Variants in SLC35D4 observed in about 807,000 individuals in gnomAD.
SLC35D4 encodes the protein solute carrier family 35 member D4, also known as UDP-N-acetylglucosamine transporter SLC35D4.
the SLC35D4 span, among the ~76,000 whole-genome samples, chr18:23,411,551 A>AAGAAAGAAAGAAAGAAAGGT: frequency 6.7e-6 from 1 of 149,914 alleles, no homozygotes; most frequent in Admixed American, 6.6e-5. Flanking sequence ...GAAAGAAAGA[A>AAGAAAGAAAGAAAGAAAGGT]AGGTGTGTGC....
At chr18:23,365,118 C>T in the SLC35D4 span, among the ~76,000 whole-genome samples, 3 of 152,012 alleles carry the variant, frequency 2.0e-5, no homozygotes, top group African/African-American at 7.3e-5. Flanking sequence ...TTTGAGGTTA[C>T]CCTTTGGGAT....
chr18:23,359,892 A>G, the SLC35D4 span, among the ~76,000 whole-genome samples: 1 of 152,194 alleles, frequency 6.6e-6, no homozygotes, highest in Admixed American at 6.5e-5. Context: ...AAAAGAGTGC[A>G]AGGGGGAAAG....
chr18:23,374,776 C>T, the SLC35D4 span, among the ~76,000 whole-genome samples: 1 of 152,042 alleles, frequency 6.6e-6, no homozygotes, highest in Non-Finnish European at 1.5e-5. Flanking sequence ...TGAGCCAATA[C>T]ACCTGGCTTA....
the SLC35D4 span, among the ~76,000 whole-genome samples, chr18:23,412,514 C>T: frequency 6.8e-3 from 1,028 of 152,132 alleles, 6 homozygotes; most frequent in Admixed American, 0.012. Flanking sequence ...GGTGACTATG[C>T]TTGTCAGTCT....
chr18:23,286,321 C>A, the SLC35D4 span, among the ~76,000 whole-genome samples: 1 of 152,210 alleles, frequency 6.6e-6, no homozygotes, highest in South Asian at 2.1e-4. Context: ...GCTACAAGTG[C>A]CAGAAATCTG....
the SLC35D4 span, among the ~76,000 whole-genome samples, chr18:23,270,326 C>T: frequency 6.6e-6 from 1 of 152,212 alleles, no homozygotes; most frequent in African/African-American, 2.4e-5. Context: ...TTGGGAACCT[C>T]CATCTAGATT....
chr18:23,425,376 C>A, the SLC35D4 span, among the ~76,000 whole-genome samples: 1 of 152,198 alleles, frequency 6.6e-6, no homozygotes, highest in Non-Finnish European at 1.5e-5. Context: ...GCTGAGATTA[C>A]AGGTGTGAGC....
the SLC35D4 span, among the ~76,000 whole-genome samples, chr18:23,283,031 C>T: frequency 7.9e-5 from 12 of 151,668 alleles, no homozygotes; most frequent in Non-Finnish European, 1.8e-4. Flanking sequence ...TTGTTATACC[C>T]CCTACCTTTT....
the SLC35D4 span, among the ~76,000 whole-genome samples, chr18:23,285,706 C>T: frequency 1.3e-5 from 2 of 152,242 alleles, no homozygotes; most frequent in Admixed American, 6.5e-5. Flanking sequence ...GACCTCTCCC[C>T]TCCTCCCCAG....
the SLC35D4 span, among the ~76,000 whole-genome samples, chr18:23,299,329 G>A: frequency 6.6e-6 from 1 of 152,106 alleles, no homozygotes; most frequent in African/African-American, 2.4e-5. Flanking sequence ...TTTTCCAGCC[G>A]ACTGCCCTCT....
chr18:23,353,628 A>G, the SLC35D4 span, among the ~76,000 whole-genome samples: 3 of 152,180 alleles, frequency 2.0e-5, no homozygotes, highest in South Asian at 6.2e-4. Flanking sequence ...GTTTGGCCCT[A>G]ATGACCTGCA....
the SLC35D4 span, among the ~76,000 whole-genome samples, chr18:23,295,628 A>G: frequency 6.6e-6 from 1 of 152,178 alleles, no homozygotes; most frequent in East Asian, 1.9e-4. Flanking sequence ...AGACAAGGAC[A>G]TGAATTTAAG....
chr18:23,332,658 CT>C, the SLC35D4 span, among the ~76,000 whole-genome samples: 15 of 151,678 alleles, frequency 9.9e-5, no homozygotes, highest in Non-Finnish European at 1.9e-4. Flanking sequence ...TCAGGACTGA[CT>C]TTTTTTTCCC....
chr18:23,367,110 C>T, the SLC35D4 span, among the ~76,000 whole-genome samples: 3 of 152,298 alleles, frequency 2.0e-5, no homozygotes, highest in East Asian at 5.8e-4. Flanking sequence ...CATCCCAAAA[C>T]ATCTCCCAGA....
the SLC35D4 span, chr18:23,259,735 C>CGCAGCCTTG: frequency 2.6e-5 from 4 of 152,220 alleles, no homozygotes; most frequent in Non-Finnish European, 4.4e-5. Context: ...CCAGACACGT[C>CGCAGCCTTG]GCAGCCTTGG....
chr18:23,260,812 A>G, the SLC35D4 span, among the ~76,000 whole-genome samples: 1 of 142,152 alleles, frequency 7.0e-6, no homozygotes, highest in African/African-American at 3.1e-5. Context: ...GAGTAAACTG[A>G]GTGTAAATCT....
the SLC35D4 span, chr18:23,437,927 A>AGCAGCAGCGGCAGCG: frequency 1.3e-6 from 2 of 1,504,434 alleles, no homozygotes; most frequent in African/African-American, 1.4e-5. Flanking sequence ...CCCCCGCAGC[A>AGCAGCAGCGGCAGCG]GCAGCAGCGG....
chr18:23,379,241 A>G, the SLC35D4 span, among the ~76,000 whole-genome samples: 1 of 150,810 alleles, frequency 6.6e-6, no homozygotes, highest in Non-Finnish European at 1.5e-5. Context: ...CTCCTGTCTC[A>G]GCCTCCCAAG....
the SLC35D4 span, among the ~76,000 whole-genome samples, chr18:23,302,386 T>C: frequency 6.6e-6 from 1 of 152,222 alleles, no homozygotes; most frequent in Non-Finnish European, 1.5e-5. Flanking sequence ...ATGTCGGGGA[T>C]GTTTTTCATT....
Sources: allele counts gnomAD v4.1 joint callset (sites outside exome capture counted in the v4.1 genomes callset), GRCh38; gene constraint gnomAD v4.1.1; transcripts MANE v1.5; gene names NCBI Gene and HGNC (gene_info 2026-07-23, HGNC 2026-07-21).